The following NAALADL2 variants were observed in gnomAD, a reference collection of about 807,000 sequenced individuals.
The protein encoded by NAALADL2 is inactive N-acetylated-alpha-linked acidic dipeptidase-like protein 2.
A neutral mutation model predicts 87.2 loss-of-function variants in NAALADL2; 76 were observed. The observed-to-expected ratio is 0.87, with a 90% CI of 0.72 to 1.05. The LOEUF is 1.05. NAALADL2 is among the 50% of genes least tolerant of loss of function. The probability of loss-of-function intolerance (pLI) is 0.00; values close to 1 mark genes in which losing one functional copy is unlikely to be tolerated. For synonymous variants in NAALADL2, 354 were observed against 331.0 expected, an observed-to-expected ratio of 1.07 and a Z score of -0.75; for missense variants, 1,089 against 945.8, an observed-to-expected ratio of 1.15 and a Z score of -1.99.
At chr3:174,769,172 TC>T (rs1714221724) in intron 3 of NAALADL2, among the ~76,000 whole-genome samples, 1 of 152,052 alleles carries the variant, frequency 6.6e-6, no homozygotes, top group Admixed American at 6.5e-5. Context: ...ATTTTGTGGT[TC>T]CTATGGTTTT....
chr3:174,752,585 AT>A (rs199555611), intron 3 of NAALADL2, among the ~76,000 whole-genome samples: 27 of 148,324 alleles, frequency 1.8e-4, no homozygotes, highest in Admixed American at 2.7e-4. Context: ...TAGGCCAGTG[AT>A]TTTTTTTTTA....
At chr3:175,416,885 T>A (rs985804896) in intron 5 of NAALADL2, among the ~76,000 whole-genome samples, 1 of 151,924 alleles carries the variant, frequency 6.6e-6, no homozygotes, top group African/African-American at 2.4e-5. Flanking sequence ...AACAAATAAA[T>A]ATATGATGCT....
chr3:175,436,464 T>A (rs200850888), intron 5 of NAALADL2, among the ~76,000 whole-genome samples: 1 of 143,734 alleles, frequency 7.0e-6, no homozygotes, highest in African/African-American at 2.7e-5. Flanking sequence ...TACAGTCCCA[T>A]CAACAGTGTA....
At chr3:175,072,072 T>C (rs1715751874) in intron 1 of NAALADL2, among the ~76,000 whole-genome samples, 1 of 152,094 alleles carries the variant, frequency 6.6e-6, no homozygotes, top group South Asian at 2.1e-4. Flanking sequence ...ATGGTCACAG[T>C]GTAAAACCCA....
At chr3:174,545,200 G>C (rs1326161358) in intron 1 of NAALADL2, among the ~76,000 whole-genome samples, 1 of 152,060 alleles carries the variant, frequency 6.6e-6, no homozygotes, top group African/African-American at 2.4e-5. Context: ...TTAAATGGTC[G>C]AATTCATAAA....
chr3:174,987,591 A>AAAAAAAAAAAAAAAAC (rs1746089923), intron 1 of NAALADL2, among the ~76,000 whole-genome samples: 1 of 140,646 alleles, frequency 7.1e-6, no homozygotes, highest in Admixed American at 7.0e-5. Flanking sequence ...AAAAAAAAAA[A>AAAAAAAAAAAAAAAAC]AAAAAAACAA....
At chr3:175,560,306 T>C (rs1716064134) in intron 9 of NAALADL2, among the ~76,000 whole-genome samples, 1 of 152,188 alleles carries the variant, frequency 6.6e-6, no homozygotes, top group African/African-American at 2.4e-5. Flanking sequence ...ATTTCATTTA[T>C]GTGGATCTTC....
At chr3:175,083,671 A>G (rs532846015) in intron 1 of NAALADL2, among the ~76,000 whole-genome samples, 1 of 152,230 alleles carries the variant, frequency 6.6e-6, no homozygotes, top group South Asian at 2.1e-4. Context: ...AGTTTATCAA[A>G]TGCCTTTAAT....
chr3:175,229,848 C>A (rs530958795), intron 2 of NAALADL2, among the ~76,000 whole-genome samples: 11 of 152,002 alleles, frequency 7.2e-5, no homozygotes, highest in African/African-American at 2.6e-4. Flanking sequence ...TGAGCTCATT[C>A]CAATATTCAT....
intron 2 of NAALADL2, among the ~76,000 whole-genome samples, chr3:174,585,811 G>C (rs946008172): frequency 6.6e-6 from 1 of 152,146 alleles, no homozygotes; most frequent in Non-Finnish European, 1.5e-5. Context: ...TTCCAGACAA[G>C]TGCATTTTCT....
At chr3:175,770,592 A>G (rs146005528) in intron 13 of NAALADL2, among the ~76,000 whole-genome samples, 458 of 152,308 alleles carry the variant, frequency 3.0e-3, no homozygotes, top group Non-Finnish European at 5.0e-3. Context: ...ATAATGTGAA[A>G]TGGGAGGAAA....
intron 2 of NAALADL2, among the ~76,000 whole-genome samples, chr3:174,644,464 T>C (rs1346526283): frequency 6.6e-6 from 1 of 152,118 alleles, no homozygotes; most frequent in Non-Finnish European, 1.5e-5. Context: ...GGAAGAGGAA[T>C]GGTTGATCTT....
intron 5 of NAALADL2, among the ~76,000 whole-genome samples, chr3:175,343,677 C>T (rs60006020): frequency 0.39 from 30,521 of 77,454 alleles, 7,013 homozygotes; most frequent in East Asian, 0.6. Flanking sequence ...TTTTTTTTTT[C>T]CCTTCCCACT....
intron 3 of NAALADL2, among the ~76,000 whole-genome samples, chr3:174,783,389 A>C (rs2109158557): frequency 6.6e-6 from 1 of 152,282 alleles, no homozygotes; most frequent in African/African-American, 2.4e-5. Context: ...TGGTATGAAC[A>C]GCCACATGAA....
At position 174,953,302 on chromosome 3, in the gene NAALADL2, TCCCCTCCCCTCCCCTCCCCTCCC is replaced by T. The variant is rs1560406703; in HGVS notation, c.43+93854_43+93876del. On this transcript the variant is annotated intron_variant, in intron 1 of 13. Transcript: ENST00000454872. ...AGGACCCAATCTTTCTTGCCTCCCC[TCCCCTCCCCTCCCCTCCCCTCCC>T]CTCCCCTCCCCTCCCCTCCCCTCCT... Among the ~76,000 whole-genome samples the T allele has an allele frequency of 1.2e-3, 76 of 61,188 alleles. 4 individuals carry two copies. The highest frequency in any genetic ancestry group is 1.7e-3 in the Non-Finnish European group (62 of 35,438). 40.1% of individuals were successfully genotyped at this position (61,188 alleles called of 152,430 possible).
At chr3:175,006,308 C>T (rs894177379) in intron 1 of NAALADL2, among the ~76,000 whole-genome samples, 1 of 152,102 alleles carries the variant, frequency 6.6e-6, no homozygotes, top group African/African-American at 2.4e-5. Flanking sequence ...TTTGTTATTC[C>T]CTTTCTTTGT....
At chr3:175,302,013 C>T (rs945327873) in intron 4 of NAALADL2, among the ~76,000 whole-genome samples, 6 of 151,784 alleles carry the variant, frequency 4.0e-5, no homozygotes, top group African/African-American at 1.5e-4. Context: ...GAAGATAAAG[C>T]GTAGAATGAA....
chr3:175,755,237 C>T lies in NAALADL2; in HGVS notation c.2008C>T (p.His670Tyr). The T allele has an allele frequency of 1.9e-6, 3 of 1,612,948 alleles. No homozygotes were observed. Among genetic ancestry groups the T allele is most frequent in the South Asian group, 1.1e-5 (1 of 90,866 alleles). The change falls in exon 13 of 14, where the codon CAT becomes TAT. Residue 670 changes from histidine to tyrosine, a missense_variant. Coordinates refer to ENST00000454872, the MANE Select transcript of NAALADL2 (RefSeq NM_207015.3). ...NNLKGDQPNT[H>Y]QLLAMALRLR... ...TTCACCAGGTGATCAACCCAACACT[C>T]ATCAACTGTTAGCCATGGCGTTACG...
intron 5 of NAALADL2, among the ~76,000 whole-genome samples, chr3:175,361,856 A>G (rs1285510589): frequency 6.8e-6 from 1 of 148,022 alleles, no homozygotes; most frequent in Non-Finnish European, 1.5e-5. Flanking sequence ...TGCTGTGCAG[A>G]AACTCTTCAG....
Sources: gnomAD v4.1 joint callset for allele counts (sites outside exome capture counted in the v4.1 genomes callset) on GRCh38, gnomAD v4.1.1 for gene constraint, MANE v1.5 for transcripts, NCBI Gene and HGNC (gene_info 2026-07-23, HGNC 2026-07-21) for gene names.